The following CACNA2D1 variants were observed in gnomAD, a reference collection of about 807,000 sequenced individuals.
CACNA2D1 encodes the protein voltage-dependent calcium channel subunit alpha-2/delta-1.
CACNA2D1 carries 53 observed loss-of-function variants against 171.5 expected under a neutral mutation model. That is an observed-to-expected ratio of 0.31 (90% CI 0.25 to 0.39). CACNA2D1 has a LOEUF of 0.39. CACNA2D1 is among the 10% of genes least tolerant of loss of function. CACNA2D1 has a pLI of 1.00. For synonymous variants in CACNA2D1, 442 were observed against 443.1 expected (o/e 1.00, Z 0.03); for missense variants, 903 against 1,299.8 (o/e 0.69, Z 4.69).
At chr7:82,390,490 G>C (rs1159725556) in intron 1 of CACNA2D1, among the ~76,000 whole-genome samples, 1 of 152,152 alleles carries the variant, frequency 6.6e-6, no homozygotes, top group Non-Finnish European at 1.5e-5. Flanking sequence ...AAGCTCTTTA[G>C]GGATTTCTTA....
At chr7:82,265,966 A>G (rs1807788211) in intron 3 of CACNA2D1, among the ~76,000 whole-genome samples, 1 of 152,216 alleles carries the variant, frequency 6.6e-6, no homozygotes, top group Non-Finnish European at 1.5e-5. Context: ...GTATGATGAT[A>G]AAACAGTTAG....
rs148179387 is a variant in CACNA2D1, at chr7:82,107,832, C to G, written c.526+9212G>C. Among the ~76,000 whole-genome samples the G allele has an allele frequency of 4.2e-3, 642 of 152,204 alleles. 6 individuals carry two copies. The highest frequency in any genetic ancestry group is 0.015 in the African/African-American group (613 of 41,538). ...CTCCTGACCTCAGATGATCCGCCCG[C>G]CTCTGCCTCCCAAAGTGCGGGGATT... On this transcript the variant is annotated intron_variant, in intron 6 of 38. Coordinates refer to ENST00000356860, the MANE Select transcript of CACNA2D1 (RefSeq NM_000722.4).
intron 6 of CACNA2D1, among the ~76,000 whole-genome samples, chr7:82,109,222 A>G (rs1246643022): frequency 6.7e-6 from 1 of 149,798 alleles, no homozygotes; most frequent in East Asian, 1.9e-4. Context: ...AGAATTAAAG[A>G]ACCCTTTTTT....
At chr7:82,305,142 G>A (rs1430980971) in intron 3 of CACNA2D1, among the ~76,000 whole-genome samples, 1 of 152,066 alleles carries the variant, frequency 6.6e-6, no homozygotes, top group Non-Finnish European at 1.5e-5. Flanking sequence ...TCTCTAAAAT[G>A]ATAATTGTGA....
intron 24 of CACNA2D1, among the ~76,000 whole-genome samples, chr7:81,982,344 G>A (rs751090637): frequency 2.6e-4 from 40 of 152,150 alleles, no homozygotes; most frequent in Non-Finnish European, 5.4e-4. Flanking sequence ...TGGCCAGATG[G>A]TCTTGATCTT....
chr7:82,197,814 C>CAA (rs1412982055), intron 3 of CACNA2D1, among the ~76,000 whole-genome samples: 2 of 151,564 alleles, frequency 1.3e-5, no homozygotes, highest in Non-Finnish European at 2.9e-5. Flanking sequence ...TATACAAACA[C>CAA]ACACACACAC....
At chr7:81,962,964 A>ATTT (rs1794320116) in intron 34 of CACNA2D1, among the ~76,000 whole-genome samples, 1 of 152,058 alleles carries the variant, frequency 6.6e-6, no homozygotes, top group Non-Finnish European at 1.5e-5. Flanking sequence ...TAAATATGTA[A>ATTT]TGTAACTTTC....
chr7:82,132,512 C>T (rs370715198), intron 5 of CACNA2D1, among the ~76,000 whole-genome samples: 1 of 152,154 alleles, frequency 6.6e-6, no homozygotes. Context: ...AACTCTGAGA[C>T]ATGCCCCTAA....
intron 1 of CACNA2D1, among the ~76,000 whole-genome samples, chr7:82,397,405 T>C (rs562315078): frequency 8.5e-5 from 13 of 152,328 alleles, no homozygotes; most frequent in South Asian, 4.1e-4. Context: ...GACATTCTTT[T>C]GGTCCTTCGT....
chr7:81,980,029 G>C (rs1477699059), intron 24 of CACNA2D1, among the ~76,000 whole-genome samples: 1 of 151,662 alleles, frequency 6.6e-6, no homozygotes, highest in Non-Finnish European at 1.5e-5. Flanking sequence ...GCGTATACCA[G>C]TGAAGAAAGG....
intron 5 of CACNA2D1, among the ~76,000 whole-genome samples, chr7:82,136,154 C>G (rs898567262): frequency 1.3e-5 from 2 of 152,138 alleles, no homozygotes; most frequent in African/African-American, 4.8e-5. Flanking sequence ...TATGGAGCAA[C>G]TACTTTGTTT....
Position 81,961,955 on chromosome 7 carries a change from A to G in CACNA2D1, c.2905T>C (p.Tyr969His), listed in dbSNP as rs1257558222. 6.2e-7 allele frequency: 1 copy of G among 1,611,574 alleles called. No homozygotes were observed. The change falls in exon 36 of 39, where the codon TAT becomes CAT. Residue 969 changes from tyrosine to histidine, a missense_variant. Tyr to His is a moderately conservative substitution (Grantham distance 83). This residue lies in a region of CACNA2D1 where 623 missense variants were observed against 925.5 expected (regional missense o/e 0.67). Coordinates refer to ENST00000356860, the MANE Select transcript of CACNA2D1 (RefSeq NM_000722.4). Reference sequence around the variant, plus strand: ...GATTTACTGTCGTTATCGAAGAAATACTGGGTTTGTTCAGTAATGCAGCTC... The same window carrying G: ...GATTTACTGTCGTTATCGAAGAAATGCTGGGTTTGTTCAGTAATGCAGCTC... ...KQSCITEQTQ[Y>H]FFDNDSKSFS...
chr7:82,370,469 A>G (rs956483462), intron 1 of CACNA2D1, among the ~76,000 whole-genome samples: 1 of 152,044 alleles, frequency 6.6e-6, no homozygotes, highest in Admixed American at 6.6e-5. Context: ...TAATTAAAAT[A>G]CACAAAAATA....
chr7:81,991,266 G>T lies in CACNA2D1; in HGVS notation c.1735-20C>A. On this transcript the variant is annotated intron_variant, in intron 20 of 38. Coordinates refer to ENST00000356860, the MANE Select transcript of CACNA2D1 (RefSeq NM_000722.4). ...ATATCTCTAGAAAGAAGTTTAACGT[G>T]GTTATTATCACTTTACATTTTGTAT... is the stretch of plus-strand genomic sequence containing the variant. 2 of 1,253,910 alleles carry T rather than the reference G, an allele frequency of 1.6e-6. No individual in the cohort carries two copies. The highest frequency in any genetic ancestry group is 2.3e-6 in the Non-Finnish European group (2 of 851,774). 77.7% of individuals were successfully genotyped at this position (1,253,910 alleles called of 1,614,324 possible).
rs550116424 is a variant in CACNA2D1 at position 82,401,466 on chromosome 7, A to C, written c.95+41899T>G. 3.3e-5 allele frequency among the ~76,000 whole-genome samples: 5 copies of C among 150,264 alleles called. No homozygotes were observed. In the East Asian group the frequency reaches 9.9e-4, roughly 30 times the overall value. On this transcript the variant is annotated intron_variant, in intron 1 of 38. Transcript: ENST00000356860. The stretch of plus-strand genomic sequence containing the variant: ...TAAACTATCGCAAGAACAAAAAACC[A>C]AACACCGCATATTCTCACTCATAGG...
chr7:82,084,534 G>T (rs1810216529), intron 7 of CACNA2D1, among the ~76,000 whole-genome samples: 1 of 152,124 alleles, frequency 6.6e-6, no homozygotes, highest in African/African-American at 2.4e-5. Flanking sequence ...CCTGCTCATG[G>T]TCTCACAGCA....
chr7:82,416,543 C>A lies in CACNA2D1; in HGVS notation c.95+26822G>T, dbSNP rs138179063. The stretch of plus-strand genomic sequence containing the variant: ...CTCTCAGGGAAGATCTGTTCAAGTT[C>A]TCTCCCCTTGCTACTAGTAATTCTT... On this transcript the variant is annotated intron_variant, in intron 1 of 38. Transcript: ENST00000356860. 1.8e-3 allele frequency among the ~76,000 whole-genome samples: 270 copies of A among 152,218 alleles called. 2 individuals are homozygous for A. The highest frequency in any genetic ancestry group is 6.0e-3 in the African/African-American group (249 of 41,530).
At chr7:82,162,687 A>C (rs3801726) in intron 4 of CACNA2D1, among the ~76,000 whole-genome samples, 1 of 151,828 alleles carries the variant, frequency 6.6e-6, no homozygotes, top group Non-Finnish European at 1.5e-5. Flanking sequence ...CTTTCTACTT[A>C]GAGACATCTT....
intron 3 of CACNA2D1, among the ~76,000 whole-genome samples, chr7:82,328,921 G>C (rs1816960881): frequency 6.6e-6 from 1 of 152,024 alleles, no homozygotes; most frequent in Non-Finnish European, 1.5e-5. Context: ...GATAAATTTT[G>C]TATTCTTCTT....
Sources: allele counts gnomAD v4.1 joint callset (sites outside exome capture counted in the v4.1 genomes callset), GRCh38; gene constraint gnomAD v4.1.1; regional missense constraint gnomAD v4.1.1; transcripts MANE v1.5; gene names NCBI Gene and HGNC (gene_info 2026-07-23, HGNC 2026-07-21).